The following SASH1 variants were observed in gnomAD, a reference collection of about 807,000 sequenced individuals.
SASH1 encodes the protein SAM and SH3 domain-containing protein 1.
A neutral mutation model predicts 125.2 loss-of-function variants in SASH1; 44 were observed. That is an observed-to-expected ratio of 0.35 (90% CI 0.28 to 0.45). The LOEUF is 0.45. SASH1 is among the 20% of genes least tolerant of loss of function. SASH1 has a pLI of 1.00. For missense variants in SASH1, 1,426 were observed against 1,614.5 expected, an observed-to-expected ratio of 0.88 and a Z score of 2.00; for synonymous variants, 639 against 649.1, an observed-to-expected ratio of 0.98 and a Z score of 0.24.
chr6:148,540,368 A>G, intron 16 of SASH1, 75 bp from the exon 17 acceptor site: 1 of 1,119,866 alleles, frequency 8.9e-7, no homozygotes, highest in Non-Finnish European at 1.3e-6. Context: ...CTGAGGATAA[A>G]GTCGAGATCT....
intron 1 of SASH1, among the ~76,000 whole-genome samples, chr6:148,297,025 C>G (rs552099752): frequency 3.3e-5 from 5 of 152,206 alleles, no homozygotes; most frequent in African/African-American, 1.2e-4. Flanking sequence ...AAGAGAATCT[C>G]TTTACTGTTG....
chr6:148,548,760 G>T lies in SASH1; in HGVS notation c.*202G>T. 1.9e-6 allele frequency: 1 copy of T among 528,984 alleles called. No homozygotes were observed. The highest frequency in any genetic ancestry group is 3.6e-5 in the South Asian group (1 of 27,646). 32.8% of individuals were successfully genotyped at this position (528,984 alleles called of 1,614,324 possible). On this transcript the variant is annotated 3_prime_UTR_variant, in exon 20 of 20. Coordinates refer to ENST00000367467, the MANE Select transcript of SASH1 (RefSeq NM_015278.5). ...CCCCCTCGAGGAAATAAATTAGTGC[G>T]GTTCTCTTTGACCCCCAAAGACAAG... is the stretch of plus-strand genomic sequence containing the variant.
chr6:148,245,405 C>T, the SASH1 span, among the ~76,000 whole-genome samples: 10 of 152,132 alleles, frequency 6.6e-5, no homozygotes, highest in Non-Finnish European at 1.3e-4. Context: ...AGAGAACTTC[C>T]GCTTGAGGCT....
At chr6:148,257,628 CTT>C in the SASH1 span, among the ~76,000 whole-genome samples, 11 of 127,126 alleles carry the variant, frequency 8.7e-5, no homozygotes, top group African/African-American at 2.4e-4. Flanking sequence ...TGTCAGTTTA[CTT>C]TTTTTTTTTT....
At position 148,354,236 on chromosome 6, in the gene SASH1, A is replaced by G. The variant is rs541423818; in HGVS notation, c.156+11013A>G. Among the ~76,000 whole-genome samples the G allele has an allele frequency of 3.9e-5, 6 of 152,254 alleles. 1 individual carries two copies. In the South Asian group the frequency reaches 1.2e-3, roughly 32 times the overall value. The stretch of plus-strand genomic sequence containing the variant: ...ATATGAATGCTTTTGAATAGCCAAG[A>G]TTTTCTGAAAACAAGAAAATGCTTG... On this transcript the variant is annotated intron_variant, in intron 1 of 19. Coordinates refer to ENST00000367467, the MANE Select transcript of SASH1 (RefSeq NM_015278.5).
chr6:148,397,265 G>A (rs1783994579), intron 2 of SASH1, among the ~76,000 whole-genome samples: 1 of 152,054 alleles, frequency 6.6e-6, no homozygotes, highest in Non-Finnish European at 1.5e-5. Context: ...TGGATCACCT[G>A]AGGTCAGGAG....
In SASH1 at chr6:148,315,001, G is replaced by A. The variant is rs566784410; in HGVS notation, n.74+42624G>A. Among the ~76,000 whole-genome samples, 4 of 152,108 alleles carry A rather than the reference G, an allele frequency of 2.6e-5. No homozygotes were observed. The South Asian group carries it at 6.2e-4, about 24-fold the overall frequency. The stretch of plus-strand genomic sequence containing the variant: ...TCGAACTCCTGATCTCAGGTGATCC[G>A]CCCAACTTGGCCTCCCAAAGTGCTG... On this transcript the variant is annotated intron_variant and non_coding_transcript_variant, in intron 1 of 3. Transcript: ENST00000367469.
upstream of SASH1, chr6:148,342,659 G>T (rs1781366315): frequency 6.6e-6 from 1 of 152,198 alleles, no homozygotes; most frequent in South Asian, 2.1e-4. Flanking sequence ...ACCCCTGCCG[G>T]GTCCTGCCAA....
chr6:148,291,404 G>C (rs1258386554), intron 1 of SASH1, among the ~76,000 whole-genome samples: 1 of 152,118 alleles, frequency 6.6e-6, no homozygotes, highest in Non-Finnish European at 1.5e-5. Flanking sequence ...AGGATGGCTA[G>C]TCACAGTGGC....
At chr6:148,299,254 T>C (rs1019595530) in intron 1 of SASH1, among the ~76,000 whole-genome samples, 2 of 152,158 alleles carry the variant, frequency 1.3e-5, no homozygotes. Flanking sequence ...GGAGATGTAG[T>C]AAAATAGGGG....
chr6:148,374,381 A>C (rs9373558), intron 1 of SASH1, among the ~76,000 whole-genome samples: 52,968 of 152,088 alleles, frequency 0.35, 9,377 homozygotes, highest in Admixed American at 0.39. Flanking sequence ...TAATTCTTCA[A>C]TGAAATGAAT....
chr6:148,303,389 A>G (rs909825274), intron 1 of SASH1, among the ~76,000 whole-genome samples: 2 of 152,364 alleles, frequency 1.3e-5, no homozygotes, highest in African/African-American at 2.4e-5. Context: ...GCTAAGCTAT[A>G]AAATAAGACT....
chr6:148,383,315 T>C (rs113043662), intron 1 of SASH1, among the ~76,000 whole-genome samples: 1 of 152,346 alleles, frequency 6.6e-6, no homozygotes, highest in East Asian at 1.9e-4. Context: ...TTTCTTTTTT[T>C]AATGGATTTA....
chr6:148,214,137 A>G, the SASH1 span, among the ~76,000 whole-genome samples: 4 of 152,178 alleles, frequency 2.6e-5, no homozygotes, highest in African/African-American at 9.7e-5. Flanking sequence ...AGTGCAATAT[A>G]TTCAGGCTGG....
intron 8 of SASH1, among the ~76,000 whole-genome samples, chr6:148,488,247 G>C (rs1215947333): frequency 1.3e-5 from 2 of 152,190 alleles, no homozygotes; most frequent in African/African-American, 2.4e-5. Context: ...TACAATATTT[G>C]TCTTTGTGTG....
the SASH1 span, among the ~76,000 whole-genome samples, chr6:148,200,076 G>A: frequency 6.6e-6 from 1 of 152,116 alleles, no homozygotes; most frequent in African/African-American, 2.4e-5. Flanking sequence ...TGCCAAGACG[G>A]AACATACTTC....
chr6:148,547,481 CA>C (rs1304895300), intron 19 of SASH1, among the ~76,000 whole-genome samples: 1 of 151,990 alleles, frequency 6.6e-6, no homozygotes, highest in East Asian at 1.9e-4. Context: ...CATGGATAAG[CA>C]GGGGGGTGGC....
At chr6:148,525,146 T>C (rs1781062491) in intron 10 of SASH1, 145 bp from the exon 11 acceptor site, 2 of 664,962 alleles carry the variant, frequency 3.0e-6, no homozygotes, top group Non-Finnish European at 2.7e-6. Flanking sequence ...TGTGTTTTTT[T>C]CTCATCATTT....
rs370681480 is a variant in SASH1 at position 148,543,981 on chromosome 6, C to G, written c.2511C>G (p.Ser837=). The G allele has an allele frequency of 1.5e-5, 25 of 1,613,942 alleles. No homozygotes were observed. The African/African-American group carries it at 2.5e-4, about 16-fold the overall frequency. Residue 837 remains serine (S), a synonymous_variant, in exon 18 of 20, where the codon TCC becomes TCG. Transcript: ENST00000367467. ...GPQTVDTWPR[S]HSLDDLQVEP... ...AGACTGTGGACACTTGGCCCCGATCCCATTCCCTGGATGACCTTCAAGTGG... is the reference window on the plus strand; with the variant it reads ...AGACTGTGGACACTTGGCCCCGATCGCATTCCCTGGATGACCTTCAAGTGG...
Sources: allele counts gnomAD v4.1 joint callset (sites outside exome capture counted in the v4.1 genomes callset), GRCh38; gene constraint gnomAD v4.1.1; transcripts MANE v1.5; gene names NCBI Gene and HGNC (gene_info 2026-07-23, HGNC 2026-07-21).